The following DAP variants were observed in gnomAD, a reference collection of about 807,000 sequenced individuals.
DAP encodes death associated protein.
Under a neutral mutation model 13.8 loss-of-function variants are expected in DAP, and 8 were observed. That is an observed-to-expected ratio of 0.58 (90% CI 0.34 to 1.05). The LOEUF (loss-of-function observed/expected upper bound fraction) is 1.05, where lower values mean the gene tolerates loss of function less well. Ranked by LOEUF, DAP falls within the 50% of genes least tolerant of loss-of-function variation. The probability of loss-of-function intolerance (pLI) is 0.03; values close to 1 mark genes in which losing one functional copy is unlikely to be tolerated. For synonymous variants in DAP, 47 were observed against 47.5 expected (o/e 0.99, Z 0.04); for missense variants, 106 against 133.2 (o/e 0.80, Z 1.01).
intron 2 of DAP, among the ~76,000 whole-genome samples, chr5:10,741,093 G>A (rs1255782890): frequency 6.6e-6 from 1 of 152,230 alleles, no homozygotes; most frequent in African/African-American, 2.4e-5. Context: ...GTTCACGCCT[G>A]TAATCCCAGC....
chr5:10,718,133 A>G (rs573751879), intron 2 of DAP, among the ~76,000 whole-genome samples: 8 of 152,324 alleles, frequency 5.3e-5, no homozygotes, highest in Non-Finnish European at 8.8e-5. Flanking sequence ...TGGATTGGGG[A>G]AAGGGAAATG....
At chr5:10,760,654 T>C (rs1740318898) in intron 1 of DAP, among the ~76,000 whole-genome samples, 1 of 152,254 alleles carries the variant, frequency 6.6e-6, no homozygotes, top group African/African-American at 2.4e-5. Flanking sequence ...TGCTACTTTC[T>C]TTCTAGACAT....
At chr5:10,694,745 ATGG>A (rs982807952) in intron 2 of DAP, among the ~76,000 whole-genome samples, 1 of 152,180 alleles carries the variant, frequency 6.6e-6, no homozygotes, top group Non-Finnish European at 1.5e-5. Context: ...TACAAAGTGA[ATGG>A]GGCTGGGGGC....
intron 2 of DAP, among the ~76,000 whole-genome samples, chr5:10,685,590 G>C (rs1738136076): frequency 6.6e-6 from 1 of 152,156 alleles, no homozygotes; most frequent in African/African-American, 2.4e-5. Flanking sequence ...AAACATCTAG[G>C]AACAGCCTGA....
chr5:10,720,394 G>T (rs558353212), intron 2 of DAP, among the ~76,000 whole-genome samples: 1 of 152,164 alleles, frequency 6.6e-6, no homozygotes, highest in Non-Finnish European at 1.5e-5. Context: ...GAAATTTGGG[G>T]AAGAGGTATG....
chr5:10,745,146 G>T (rs1263500829), intron 2 of DAP, among the ~76,000 whole-genome samples: 1 of 152,160 alleles, frequency 6.6e-6, no homozygotes, highest in Admixed American at 6.5e-5. Context: ...CCAGAGAAAT[G>T]GGGAGTGGGA....
chr5:10,687,998 C>A (rs1343252099), intron 2 of DAP, among the ~76,000 whole-genome samples: 1 of 150,684 alleles, frequency 6.6e-6, no homozygotes, highest in Non-Finnish European at 1.5e-5. Flanking sequence ...TCACTGCAAC[C>A]TCTACCTCCC....
At chr5:10,692,793 A>G (rs1386793876) in intron 2 of DAP, among the ~76,000 whole-genome samples, 1 of 152,156 alleles carries the variant, frequency 6.6e-6, no homozygotes, top group East Asian at 1.9e-4. Context: ...GGGCTCCCCA[A>G]AAGGACCGAT....
chr5:10,734,043 T>C (rs186085533), intron 2 of DAP: 74 of 152,336 alleles, frequency 4.9e-4, no homozygotes, highest in African/African-American at 1.5e-3. Context: ...AGTTCATATG[T>C]TTATGTAGTA....
At chr5:10,733,483 C>T (rs1353091878) in intron 2 of DAP, among the ~76,000 whole-genome samples, 2 of 152,294 alleles carry the variant, frequency 1.3e-5, no homozygotes, top group East Asian at 1.9e-4. Flanking sequence ...CCTCTCAAGG[C>T]CTCCATTTAG....
rs181982079 is a variant in DAP, at chr5:10,738,049, G to A, written c.152+10126C>T. On this transcript the variant is annotated intron_variant, in intron 2 of 3. Transcript: ENST00000230895. ...GATTGCAGAAACCACCAGAAGCTAG[G>A]GGAGCAGCATGGAACACATGCTTCC... is the stretch of plus-strand genomic sequence containing the variant. 7.2e-5 allele frequency among the ~76,000 whole-genome samples: 11 copies of A among 152,324 alleles called. 1 individual carries two copies. Among genetic ancestry groups the A allele is most frequent in the Admixed American group, 5.9e-4 (9 of 15,304 alleles).
chr5:10,704,962 G>A (rs758425614), intron 2 of DAP, among the ~76,000 whole-genome samples: 9 of 152,130 alleles, frequency 5.9e-5, no homozygotes, highest in Non-Finnish European at 1.2e-4. Flanking sequence ...TACACCTGTC[G>A]GATGCACAAC....
chr5:10,716,240 T>C (rs1386805714), intron 2 of DAP, among the ~76,000 whole-genome samples: 2 of 152,188 alleles, frequency 1.3e-5, no homozygotes, highest in African/African-American at 4.8e-5. Flanking sequence ...GGTAAGAAGA[T>C]AAAATGCGAC....
Position 10,711,800 on chromosome 5 carries a change from GT to G in DAP, c.153-28230del, listed in dbSNP as rs1641918265. Among the ~76,000 whole-genome samples, 3 of 152,328 alleles carry G rather than the reference GT, an allele frequency of 2.0e-5. No homozygotes were observed. The South Asian group carries it at 6.2e-4, about 32-fold the overall frequency. On this transcript the variant is annotated intron_variant, in intron 2 of 3. Transcript: ENST00000230895. ...AAGTTTGGGACTCAAGAGCAAGTTA[GT>G]TTTTCATTGAAAAATGACATGTGTC...
In DAP at chr5:10,756,897, A is replaced by G. The variant is rs1031256503; in HGVS notation, c.55+4117T>C. 2.4e-5 allele frequency among the ~76,000 whole-genome samples: 3 copies of G among 124,976 alleles called. No homozygotes were observed. The Admixed American group carries it at 2.7e-4, about 11-fold the overall frequency. 82.0% of individuals were successfully genotyped at this position (124,976 alleles called of 152,430 possible). On this transcript the variant is annotated intron_variant, in intron 1 of 3. Coordinates refer to ENST00000230895, the MANE Select transcript of DAP (RefSeq NM_004394.3). ...TCTAACTCTGCTAATCTGCATTTGC[A>G]ATAACTCATCAAACAAGCACTCACC...
intron 2 of DAP, among the ~76,000 whole-genome samples, chr5:10,688,197 T>G (rs1420727947): frequency 6.6e-6 from 1 of 152,080 alleles, no homozygotes; most frequent in Non-Finnish European, 1.5e-5. Context: ...ATTGCAGGCA[T>G]GAGCCATCAC....
chr5:10,748,845 T>C (rs1208958542), intron 1 of DAP, among the ~76,000 whole-genome samples: 1 of 152,252 alleles, frequency 6.6e-6, no homozygotes, highest in Non-Finnish European at 1.5e-5. Context: ...ATGTAATTCA[T>C]GTAGAATACA....
chr5:10,684,875 C>G (rs1393927479), intron 2 of DAP, among the ~76,000 whole-genome samples: 1 of 152,076 alleles, frequency 6.6e-6, no homozygotes, highest in Non-Finnish European at 1.5e-5. Flanking sequence ...CGCGATCGAT[C>G]GGGGACACTC....
chr5:10,685,903 T>C (rs1358126798), intron 2 of DAP, among the ~76,000 whole-genome samples: 4 of 151,812 alleles, frequency 2.6e-5, no homozygotes, highest in African/African-American at 9.7e-5. Context: ...TATATACATA[T>C]ATAAACACCC....
Sources: gnomAD v4.1 joint callset for allele counts (sites outside exome capture counted in the v4.1 genomes callset) on GRCh38, gnomAD v4.1.1 for gene constraint, MANE v1.5 for transcripts, NCBI Gene and HGNC (gene_info 2026-07-23, HGNC 2026-07-21) for gene names.